MAGI1: variants seen among roughly 807,000 people sequenced by gnomAD.
The protein encoded by MAGI1 is membrane associated guanylate kinase, WW and PDZ domain containing 1, also known as membrane-associated guanylate kinase, WW and PDZ domain-containing protein 1.
MAGI1 carries 58 observed loss-of-function variants against 139.9 expected under a neutral mutation model. The ratio of observed to expected loss-of-function variants is 0.41; its 90% CI spans 0.34 to 0.52. The LOEUF (loss-of-function observed/expected upper bound fraction) is 0.52. Among genes scored for constraint, MAGI1 ranks in the 20% least tolerant of loss-of-function variants. The probability of loss-of-function intolerance (pLI) is 0.12; values close to 1 mark genes in which losing one functional copy is unlikely to be tolerated. For missense variants in MAGI1, 1,874 were observed against 1,901.6 expected, an observed-to-expected ratio of 0.99 and a Z score of 0.27; for synonymous variants, 812 against 737.9, an observed-to-expected ratio of 1.10 and a Z score of -1.63.
At chr3:65,401,224 T>C (rs1234368337) in intron 13 of MAGI1, among the ~76,000 whole-genome samples, 1 of 152,200 alleles carries the variant, frequency 6.6e-6, no homozygotes, top group Non-Finnish European at 1.5e-5. Flanking sequence ...TCCTGCAGCC[T>C]GCCCACAAAT....
At chr3:65,757,121 T>C (rs2036624887) in intron 1 of MAGI1, among the ~76,000 whole-genome samples, 1 of 152,222 alleles carries the variant, frequency 6.6e-6, no homozygotes, top group African/African-American at 2.4e-5. Context: ...AGCTTTCCAT[T>C]TGCTACTTTT....
At chr3:65,578,325 A>G (rs2081267379) in intron 2 of MAGI1, among the ~76,000 whole-genome samples, 1 of 152,222 alleles carries the variant, frequency 6.6e-6, no homozygotes, top group South Asian at 2.1e-4. Context: ...AAAATTAGAA[A>G]GAAATCACCC....
chr3:65,604,575 AT>A (rs1485873037), intron 2 of MAGI1, among the ~76,000 whole-genome samples: 1 of 152,168 alleles, frequency 6.6e-6, no homozygotes, highest in Non-Finnish European at 1.5e-5. Flanking sequence ...CTTCACAGTT[AT>A]TTATATATTC....
At chr3:66,033,092 A>C (rs1576534248) in intron 1 of MAGI1, among the ~76,000 whole-genome samples, 1 of 151,706 alleles carries the variant, frequency 6.6e-6, no homozygotes, top group African/African-American at 2.4e-5. Context: ...GCAGTGGTAC[A>C]ATCTTGGCTC....
At chr3:66,011,999 A>C (rs901617592) in intron 1 of MAGI1, among the ~76,000 whole-genome samples, 2 of 152,164 alleles carry the variant, frequency 1.3e-5, no homozygotes, top group African/African-American at 4.8e-5. Context: ...ACAGATGTCC[A>C]ATACTTCCTT....
chr3:65,741,178 A>AT (rs10707971), intron 1 of MAGI1, among the ~76,000 whole-genome samples: 387 of 146,950 alleles, frequency 2.6e-3, no homozygotes, highest in African/African-American at 7.5e-3. Context: ...GCTATTATTG[A>AT]TTTTTTTTTT....
At position 65,439,871 on chromosome 3, in the gene MAGI1, A is replaced by G. The variant is rs1455522784; in HGVS notation, c.1270+8T>C. ...GATCAAGAAAAAGCCTAGAGGAAAG[A>G]GGCCAACCTTCTGTCTGCTGCTGCT... On this transcript the variant is annotated splice_region_variant and intron_variant, in intron 9 of 22. Coordinates refer to ENST00000402939, the MANE Select transcript of MAGI1 (RefSeq NM_001033057.2). The G allele has an allele frequency of 6.2e-7, 1 of 1,610,068 alleles. No individual in the cohort carries two copies. Among genetic ancestry groups the G allele is most frequent in the Non-Finnish European group, 8.5e-7 (1 of 1,179,872 alleles).
At chr3:65,494,076 C>T (rs573803937) in intron 2 of MAGI1, among the ~76,000 whole-genome samples, 60 of 152,228 alleles carry the variant, frequency 3.9e-4, no homozygotes, top group African/African-American at 1.3e-3. Flanking sequence ...TCAATACAAC[C>T]GGCAAGTTCC....
intron 2 of MAGI1, chr3:65,597,939 G>T: frequency 2.3e-6 from 1 of 432,810 alleles, no homozygotes; most frequent in Non-Finnish European, 4.6e-6. Flanking sequence ...GGGGGGGTGG[G>T]ACCGAACCCC....
intron 1 of MAGI1, among the ~76,000 whole-genome samples, chr3:65,924,322 G>A (rs756063291): frequency 4.6e-5 from 7 of 152,246 alleles, no homozygotes; most frequent in East Asian, 1.9e-4. Flanking sequence ...TAAAATGCCC[G>A]AATTAAGAAA....
intron 1 of MAGI1, among the ~76,000 whole-genome samples, chr3:65,699,328 A>T (rs1298546420): frequency 3.4e-5 from 5 of 145,896 alleles, no homozygotes; most frequent in African/African-American, 1.3e-4. Flanking sequence ...GCGATTCCTC[A>T]GGGATCTAGA....
intron 12 of MAGI1, among the ~76,000 whole-genome samples, chr3:65,417,115 T>G (rs1946276574): frequency 6.6e-6 from 1 of 152,106 alleles, no homozygotes; most frequent in Non-Finnish European, 1.5e-5. Flanking sequence ...TGATATCTCT[T>G]GCAATAAAGA....
chr3:65,568,258 C>T (rs1337044673), intron 2 of MAGI1, among the ~76,000 whole-genome samples: 2 of 152,154 alleles, frequency 1.3e-5, no homozygotes, highest in South Asian at 2.1e-4. Flanking sequence ...TTCCCCAGTT[C>T]ATATCCCAAG....
At chr3:65,626,784 G>A (rs985935228) in intron 1 of MAGI1, among the ~76,000 whole-genome samples, 13 of 152,172 alleles carry the variant, frequency 8.5e-5, no homozygotes, top group South Asian at 6.2e-4. Context: ...TTTACTCTGA[G>A]TTCCATGACA....
Position 65,356,517 on chromosome 3 carries a change from T to C in MAGI1, c.4250A>G (p.Lys1417Arg). The C allele has an allele frequency of 6.2e-7, 1 of 1,611,152 alleles. No homozygotes were observed. The highest frequency in any genetic ancestry group is 8.5e-7 in the Non-Finnish European group (1 of 1,179,950). The change falls in exon 23 of 23, where the codon AAA becomes AGA. Residue 1417 changes from lysine to arginine, a missense_variant. This residue lies in a region of MAGI1 where 653 missense variants were observed against 644.5 expected (regional missense o/e 1.01). Transcript: ENST00000402939. ...PERRRERSLD[K>R]RNREDRASHR... is the part of the protein sequence containing the mutation. ...GCTGGCTCTGTCCTCTCTGTTCCTT[T>C]TGTCCAGGGACCGCTCTCTCCTGCG... is the stretch of plus-strand genomic sequence containing the variant.
chr3:65,897,657 A>AAAC (rs1024262327), intron 1 of MAGI1, among the ~76,000 whole-genome samples: 19 of 151,954 alleles, frequency 1.3e-4, no homozygotes, highest in East Asian at 5.8e-4. Flanking sequence ...TATAATTAAA[A>AAAC]AACAACAACA....
intron 10 of MAGI1, among the ~76,000 whole-genome samples, chr3:65,431,320 C>A (rs1947435750): frequency 6.6e-6 from 1 of 152,142 alleles, no homozygotes; most frequent in East Asian, 1.9e-4. Flanking sequence ...GAAAAACCAA[C>A]AGAACTAATC....
At chr3:65,897,488 G>A (rs2061023773) in intron 1 of MAGI1, among the ~76,000 whole-genome samples, 1 of 152,020 alleles carries the variant, frequency 6.6e-6, no homozygotes, top group Admixed American at 6.6e-5. Flanking sequence ...GGCAGGGGCG[G>A]AATAGCATTA....
chr3:65,939,196 T>C (rs2063194746), intron 1 of MAGI1, among the ~76,000 whole-genome samples: 1 of 152,210 alleles, frequency 6.6e-6, no homozygotes, highest in African/African-American at 2.4e-5. Flanking sequence ...CCTACAGTTG[T>C]ACATGAAGAG....
Sources: gnomAD v4.1 joint callset for allele counts (sites outside exome capture counted in the v4.1 genomes callset) on GRCh38, gnomAD v4.1.1 for gene constraint, gnomAD v4.1.1 regional missense constraint, MANE v1.5 for transcripts, NCBI Gene and HGNC (gene_info 2026-07-23, HGNC 2026-07-21) for gene names.